GALNTL6: variants seen among roughly 807,000 people sequenced by gnomAD.
GALNTL6 encodes polypeptide N-acetylgalactosaminyltransferase like 6.
Under a neutral mutation model 73.7 loss-of-function variants are expected in GALNTL6, and 46 were observed. That is an observed-to-expected ratio of 0.62 (90% CI 0.49 to 0.80). GALNTL6 has a LOEUF of 0.80. Among genes scored for constraint, GALNTL6 ranks in the 30% least tolerant of loss-of-function variants. GALNTL6 has a pLI of 0.00. For missense variants in GALNTL6, 604 were observed against 755.0 expected, an observed-to-expected ratio of 0.80 and a Z score of 2.34; for synonymous variants, 259 against 263.7, an observed-to-expected ratio of 0.98 and a Z score of 0.17.
intron 2 of GALNTL6, among the ~76,000 whole-genome samples, chr4:172,097,800 T>G (rs1469895863): frequency 6.6e-6 from 1 of 152,178 alleles, no homozygotes; most frequent in Non-Finnish European, 1.5e-5. Flanking sequence ...CAAATGCATT[T>G]TTAACTGTTA....
At chr4:172,393,759 C>A (rs764751149) in intron 5 of GALNTL6, among the ~76,000 whole-genome samples, 4 of 152,070 alleles carry the variant, frequency 2.6e-5, no homozygotes, top group Non-Finnish European at 5.9e-5. Context: ...ACTTTTATTA[C>A]GTGCTTTATT....
intron 5 of GALNTL6, among the ~76,000 whole-genome samples, chr4:172,700,361 T>A (rs1305899236): frequency 6.6e-6 from 1 of 152,060 alleles, no homozygotes; most frequent in East Asian, 1.9e-4. Flanking sequence ...CATGAAGGAA[T>A]GTTGAAGGAT....
intron 2 of GALNTL6, among the ~76,000 whole-genome samples, chr4:171,881,392 G>A (rs367832811): frequency 1.6e-4 from 24 of 152,232 alleles, no homozygotes; most frequent in South Asian, 6.2e-4. Flanking sequence ...TGTTAGAAGT[G>A]GGGCCCAGTG....
intron 2 of GALNTL6, among the ~76,000 whole-genome samples, chr4:172,179,207 T>C (rs1481130600): frequency 2.0e-5 from 3 of 150,638 alleles, no homozygotes; most frequent in African/African-American, 7.4e-5. Context: ...TATTTCTAGT[T>C]CTAGATCCCT....
intron 2 of GALNTL6, among the ~76,000 whole-genome samples, chr4:171,959,751 A>G (rs903226318): frequency 2.6e-5 from 4 of 152,204 alleles, no homozygotes; most frequent in Admixed American, 1.3e-4. Flanking sequence ...TGAGCTCAAA[A>G]TATCTGCCTG....
intron 8 of GALNTL6, among the ~76,000 whole-genome samples, chr4:172,888,894 T>C (rs1446662334): frequency 6.6e-6 from 1 of 152,204 alleles, no homozygotes; most frequent in Non-Finnish European, 1.5e-5. Context: ...TCCATGAGCA[T>C]GGAAATTTTT....
At chr4:172,001,999 A>G (rs1740690987) in intron 2 of GALNTL6, among the ~76,000 whole-genome samples, 1 of 152,142 alleles carries the variant, frequency 6.6e-6, no homozygotes, top group Non-Finnish European at 1.5e-5. Context: ...TCCCCAAGCC[A>G]TCCAAATGAA....
chr4:172,206,814 G>GTTTTTTTTTTTTTTTTTTTTT (rs796625697), intron 2 of GALNTL6, among the ~76,000 whole-genome samples: 1 of 57,964 alleles, frequency 1.7e-5, no homozygotes, highest in Admixed American at 2.4e-4. Flanking sequence ...TGTTTTTTTT[G>GTTTTTTTTTTTTTTTTTTTTT]TTTGTTTTTT....
At chr4:171,950,482 C>CCT (rs1265741907) in intron 2 of GALNTL6, among the ~76,000 whole-genome samples, 11 of 141,442 alleles carry the variant, frequency 7.8e-5, no homozygotes, top group Non-Finnish European at 1.7e-4. Flanking sequence ...CTTTTCTTTT[C>CCT]TTTTTTTTTT....
chr4:171,929,587 C>T (rs1028243835), intron 2 of GALNTL6, among the ~76,000 whole-genome samples: 31 of 152,196 alleles, frequency 2.0e-4, no homozygotes, highest in African/African-American at 6.0e-4. Flanking sequence ...TGCACAACGG[C>T]GTGGCCTCGA....
At chr4:172,987,406 C>T (rs534914519) in intron 10 of GALNTL6, among the ~76,000 whole-genome samples, 1 of 152,220 alleles carries the variant, frequency 6.6e-6, no homozygotes, top group South Asian at 2.1e-4. Flanking sequence ...TGAGGGTAAC[C>T]ACCCCCATGA....
intron 5 of GALNTL6, among the ~76,000 whole-genome samples, chr4:172,741,105 C>T (rs1187643042): frequency 2.6e-5 from 4 of 151,768 alleles, no homozygotes; most frequent in African/African-American, 7.3e-5. Context: ...AATCATTGAC[C>T]TTAAAATATT....
intron 2 of GALNTL6, among the ~76,000 whole-genome samples, chr4:172,049,397 T>C (rs879474169): frequency 6.6e-6 from 1 of 152,174 alleles, no homozygotes; most frequent in Non-Finnish European, 1.5e-5. Flanking sequence ...CCTGCCCACA[T>C]GCCATTAGAT....
intron 5 of GALNTL6, among the ~76,000 whole-genome samples, chr4:172,714,862 C>T (rs1043045236): frequency 6.6e-6 from 1 of 152,106 alleles, no homozygotes; most frequent in Non-Finnish European, 1.5e-5. Context: ...TGCATTTTAA[C>T]ATGATAAAAT....
At chr4:172,045,827 C>A (rs1742204164) in intron 2 of GALNTL6, among the ~76,000 whole-genome samples, 1 of 151,706 alleles carries the variant, frequency 6.6e-6, no homozygotes, top group South Asian at 2.1e-4. Flanking sequence ...ATATGGTACA[C>A]TTTGACCATC....
chr4:172,396,273 A>T (rs1260819234), intron 5 of GALNTL6, among the ~76,000 whole-genome samples: 1 of 149,892 alleles, frequency 6.7e-6, no homozygotes, highest in Non-Finnish European at 1.5e-5. Context: ...CCTTCTTCCG[A>T]TCTAAAGCGT....
intron 5 of GALNTL6, among the ~76,000 whole-genome samples, chr4:172,707,125 A>G (rs1270176757): frequency 6.6e-6 from 1 of 152,146 alleles, no homozygotes. Flanking sequence ...GAGGGGTGTC[A>G]CAGTTAGAGT....
intron 2 of GALNTL6, among the ~76,000 whole-genome samples, chr4:171,847,156 T>C (rs1323967559): frequency 6.6e-6 from 1 of 151,946 alleles, no homozygotes; most frequent in African/African-American, 2.4e-5. Flanking sequence ...AAGTGTATCT[T>C]GGAGATATTG....
chr4:172,090,110 T>C (rs933695284), intron 2 of GALNTL6, among the ~76,000 whole-genome samples: 2 of 152,200 alleles, frequency 1.3e-5, no homozygotes, highest in African/African-American at 4.8e-5. Flanking sequence ...CTGATGGGCA[T>C]TTGGGTTGGT....
Sources: allele counts gnomAD v4.1 joint callset (sites outside exome capture counted in the v4.1 genomes callset), GRCh38; gene constraint gnomAD v4.1.1; transcripts MANE v1.5; gene names NCBI Gene and HGNC (gene_info 2026-07-23, HGNC 2026-07-21).